Variants in CAPRIN2 observed in about 807,000 individuals in gnomAD.
CAPRIN2 encodes caprin family member 2.
Under a neutral mutation model 130.4 loss-of-function variants are expected in CAPRIN2, and 66 were observed. The ratio of observed to expected loss-of-function variants is 0.51; its 90% confidence interval spans 0.42 to 0.62. CAPRIN2 has a LOEUF of 0.62. Among genes scored for constraint, CAPRIN2 ranks in the 20% least tolerant of loss-of-function variants. The pLI is 0.00. For missense variants in CAPRIN2, 1,185 were observed against 1,246.6 expected (o/e 0.95, Z 0.74); for synonymous variants, 471 against 444.1 (o/e 1.06, Z -0.76).
At chr12:30,728,509 A>G (rs947441709) in intron 8 of CAPRIN2, 139 bp downstream of exon 9, 39 of 667,360 alleles carry the variant, frequency 5.8e-5, no homozygotes, top group Non-Finnish European at 8.6e-5. Flanking sequence ...GAGCAGAGAT[A>G]GTGCCACTGC....
chr12:30,731,274 C>T, intron 6 of CAPRIN2, 69 bp downstream of exon 7: 1 of 1,208,690 alleles, frequency 8.3e-7, no homozygotes, highest in Non-Finnish European at 1.2e-6. Context: ...AATCACTGCA[C>T]AATACGTGAC....
intron 2 of CAPRIN2, among the ~76,000 whole-genome samples, chr12:30,741,755 T>C (rs2067562763): frequency 6.6e-6 from 1 of 152,056 alleles, no homozygotes; most frequent in African/African-American, 2.4e-5. Flanking sequence ...GATAAATACA[T>C]ATTATAAAGC....
intron 5 of CAPRIN2, 41 bp downstream of exon 6, chr12:30,733,588 T>G: frequency 7.5e-7 from 1 of 1,332,598 alleles, no homozygotes; most frequent in Non-Finnish European, 1.1e-6. Context: ...AGACATAAAG[T>G]TTAGTATTTA....
At chr12:30,724,377 G>A (rs1243178307) in exon 10 of CAPRIN2, 14 of 1,608,260 alleles carry the variant, frequency 8.7e-6, no homozygotes, top group Non-Finnish European at 1.0e-5. Flanking sequence ...TACCTACGGG[G>A]CTACCTGGAG....
At chr12:30,754,067 C>T (rs1346566567) in exon 1 of CAPRIN2, 1 of 282,990 alleles carries the variant, frequency 3.5e-6, no homozygotes, top group Non-Finnish European at 6.6e-6. Context: ...GGAAGAAAAT[C>T]CAAACTCACA....
intron 15 of CAPRIN2, 53 bp downstream of exon 17, chr12:30,713,732 C>A (rs1056036736): frequency 9.5e-7 from 1 of 1,048,596 alleles, no homozygotes. Context: ...CAATCACCAG[C>A]TTAACATCAA....
intron 13 of CAPRIN2, 113 bp from the exon 16 acceptor site, chr12:30,715,254 TAGG>T: frequency 1.3e-6 from 1 of 773,062 alleles, no homozygotes; most frequent in Non-Finnish European, 2.1e-6. Context: ...TAAAAATAAA[TAGG>T]AGATACATAT....
At chr12:30,751,616 C>T (rs556855548) in intron 1 of CAPRIN2, 2 of 170,154 alleles carry the variant, frequency 1.2e-5, no homozygotes, top group African/African-American at 4.8e-5. Flanking sequence ...CACAGGACAG[C>T]CCTTTACAAC....
At chr12:30,735,080 G>C (rs1200540391) in exon 4 of CAPRIN2, 7 of 1,614,048 alleles carry the variant, frequency 4.3e-6, no homozygotes, top group East Asian at 2.2e-5. Flanking sequence ...AAGTCTTTTT[G>C]TACGTGCTCC....
chr12:30,710,326 A>G lies in CAPRIN2; in HGVS notation c.2810T>C (p.Val937Ala), dbSNP rs1565525865. ...CTGCTGAGGCAGAGGGTAGACGTGTACTGGCAGTATGGTGGCTGCTGGATT... is the reference window on the plus strand; with the variant it reads ...CTGCTGAGGCAGAGGGTAGACGTGTGCTGGCAGTATGGTGGCTGCTGGATT... The change falls in exon 17 of 17, where the codon GTA (valine) becomes GCA (alanine). Residue 937 changes from valine (V) to alanine (A), a missense_variant. Physicochemically the swap from Val to Ala is moderately conservative, Grantham distance 64. Coordinates refer to ENST00000298892, the Ensembl canonical transcript of CAPRIN2. The surrounding 1 kb of genome is among the most constrained non-coding windows in gnomAD (Gnocchi z 4.8). 1 of 1,614,176 alleles carries G rather than the reference A, an allele frequency of 6.2e-7. No homozygotes were observed.
chr12:30,724,716 C>T (rs1365292112), intron 9 of CAPRIN2, among the ~76,000 whole-genome samples: 3 of 152,036 alleles, frequency 2.0e-5, no homozygotes, highest in Admixed American at 1.3e-4. Context: ...GTAGGCCGTG[C>T]GCAGTGGCTC....
At chr12:30,715,033 C>A (rs753412572) in exon 14 of CAPRIN2, 1 of 1,614,002 alleles carries the variant, frequency 6.2e-7, no homozygotes, top group South Asian at 1.1e-5. Context: ...AACAGATCCC[C>A]GGCTATTGAC....
At chr12:30,739,777 T>C (rs142558308) in intron 3 of CAPRIN2, among the ~76,000 whole-genome samples, 79 of 151,910 alleles carry the variant, frequency 5.2e-4, no homozygotes, top group Admixed American at 9.8e-4. Context: ...ATCTGTAAAA[T>C]TGGACTATTT....
chr12:30,719,145 G>A (rs2058580104), intron 12 of CAPRIN2: 2 of 1,614,124 alleles, frequency 1.2e-6, no homozygotes, highest in Non-Finnish European at 1.7e-6. Flanking sequence ...GAGGTGACTG[G>A]AAGCCCTGTT....
chr12:30,737,712 C>G (rs1374942168), intron 3 of CAPRIN2, among the ~76,000 whole-genome samples: 2 of 150,996 alleles, frequency 1.3e-5, no homozygotes, highest in African/African-American at 2.4e-5. Flanking sequence ...ATTCTCCTGT[C>G]TCAGCCTCCC....
At chr12:30,746,479 T>A (rs2070461774) in intron 2 of CAPRIN2, among the ~76,000 whole-genome samples, 1 of 152,022 alleles carries the variant, frequency 6.6e-6, no homozygotes, top group African/African-American at 2.4e-5. Flanking sequence ...AAACTTTGGG[T>A]GATGATGATG....
At chr12:30,713,706 ACT>A (rs1435927701) in intron 15 of CAPRIN2, 77 bp downstream of exon 17, 1 of 784,464 alleles carries the variant, frequency 1.3e-6, no homozygotes, top group African/African-American at 1.7e-5. Context: ...ACAAATTATG[ACT>A]CTGCGATATA....
chr12:30,748,290 G>T (rs1681171178), intron 2 of CAPRIN2, among the ~76,000 whole-genome samples: 1 of 152,154 alleles, frequency 6.6e-6, no homozygotes, highest in Admixed American at 6.5e-5. Context: ...TTTCACTGTT[G>T]TCTTAAGAAA....
intron 5 of CAPRIN2, among the ~76,000 whole-genome samples, chr12:30,731,862 C>T (rs1384015861): frequency 6.6e-6 from 1 of 152,006 alleles, no homozygotes; most frequent in Non-Finnish European, 1.5e-5. Context: ...TCAAGTATGT[C>T]ACAAAAGCAC....
Sources: allele counts gnomAD v4.1 joint callset (sites outside exome capture counted in the v4.1 genomes callset), GRCh38; gene constraint gnomAD v4.1.1; non-coding constraint Gnocchi (gnomAD v3.1); transcripts MANE v1.5; gene names NCBI Gene and HGNC (gene_info 2026-07-23, HGNC 2026-07-21).